Variants in MYO10 observed in about 807,000 individuals in gnomAD.
MYO10 encodes unconventional myosin-X.
A neutral mutation model predicts 257.3 loss-of-function variants in MYO10; 133 were observed. The ratio of observed to expected loss-of-function variants is 0.52; its 90% confidence interval spans 0.45 to 0.60. MYO10 has a LOEUF of 0.60. MYO10 is among the 20% of genes least tolerant of loss of function. The pLI is 0.00. For synonymous variants in MYO10, 1,104 were observed against 1,028.6 expected, an observed-to-expected ratio of 1.07 and a Z score of -1.40; for missense variants, 2,399 against 2,635.7, an observed-to-expected ratio of 0.91 and a Z score of 1.97.
intron 2 of MYO10, among the ~76,000 whole-genome samples, chr5:16,853,631 C>T (rs1290931819): frequency 3.3e-5 from 5 of 152,304 alleles, no homozygotes; most frequent in African/African-American, 9.6e-5. Context: ...TTTTCCCAGA[C>T]AGCCAAGAGG....
At chr5:16,728,194 A>G (rs1164259947) in intron 19 of MYO10, among the ~76,000 whole-genome samples, 2 of 151,940 alleles carry the variant, frequency 1.3e-5, no homozygotes, top group Non-Finnish European at 2.9e-5. Context: ...TGCCGCTCCA[A>G]CTTCCTCTCT....
In MYO10 at chr5:16,888,156, C is replaced by T. The variant is rs558761988; in HGVS notation, c.22-10449G>A. On this transcript the variant is annotated intron_variant, in intron 1 of 40. Coordinates refer to ENST00000513610, the MANE Select transcript of MYO10 (RefSeq NM_012334.3). Reference sequence around the variant, plus strand: ...ATCCCTCATACTTCCACAAGTCCATCCTTCCACCAAATATCTCCTAACACC... The same window carrying T: ...ATCCCTCATACTTCCACAAGTCCATTCTTCCACCAAATATCTCCTAACACC... Among the ~76,000 whole-genome samples the T allele has an allele frequency of 2.6e-5, 4 of 152,266 alleles. No individual in the cohort carries two copies. The East Asian group carries it at 7.7e-4, about 29-fold the overall frequency.
chr5:16,935,068 C>G (rs965787310), intron 1 of MYO10, among the ~76,000 whole-genome samples: 2 of 152,204 alleles, frequency 1.3e-5, no homozygotes, highest in African/African-American at 2.4e-5. Context: ...AAAAAGGGTT[C>G]TCAAGTTAAG....
intron 2 of MYO10, among the ~76,000 whole-genome samples, chr5:16,865,504 A>C (rs895537869): frequency 6.6e-6 from 1 of 152,214 alleles, no homozygotes; most frequent in African/African-American, 2.4e-5. Flanking sequence ...AAAACAGTAC[A>C]AAAAAGGTAT....
chr5:16,921,965 A>G (rs1745999828), intron 1 of MYO10, among the ~76,000 whole-genome samples: 1 of 152,136 alleles, frequency 6.6e-6, no homozygotes, highest in Non-Finnish European at 1.5e-5. Flanking sequence ...CTGTAATCCT[A>G]GCATTTTGGG....
intron 19 of MYO10, among the ~76,000 whole-genome samples, chr5:16,754,578 A>G (rs997855882): frequency 2.0e-5 from 3 of 151,806 alleles, no homozygotes; most frequent in African/African-American, 7.3e-5. Flanking sequence ...AAAAAAAAAA[A>G]GTAAAGGCTT....
chr5:16,871,241 C>T (rs971590474), intron 2 of MYO10, among the ~76,000 whole-genome samples: 7 of 152,102 alleles, frequency 4.6e-5, no homozygotes, highest in Admixed American at 1.3e-4. Flanking sequence ...CAAAATTAAC[C>T]AATTTCCTTT....
chr5:16,924,634 T>A (rs1035547104), intron 1 of MYO10, among the ~76,000 whole-genome samples: 1 of 152,134 alleles, frequency 6.6e-6, no homozygotes. Context: ...TGTCATATAA[T>A]TGATGATACA....
chr5:16,917,239 G>A (rs1038945171), intron 1 of MYO10, among the ~76,000 whole-genome samples: 1 of 152,038 alleles, frequency 6.6e-6, no homozygotes, highest in African/African-American at 2.4e-5. Context: ...AGTACACTAT[G>A]GAAATTACTT....
rs75411758 is a variant in MYO10, at chr5:16,892,011, T to C, written c.22-14304A>G. 3.2e-3 allele frequency among the ~76,000 whole-genome samples: 494 copies of C among 152,322 alleles called. 3 individuals are homozygous for C. Among genetic ancestry groups the C allele is most frequent in the African/African-American group, 0.012 (484 of 41,562 alleles). ...AGTATTTACATCATATTTATATCAT[T>C]TGTATTATGGGAGGCAGAAATGGAT... On this transcript the variant is annotated intron_variant, in intron 1 of 40. Coordinates refer to ENST00000513610, the MANE Select transcript of MYO10 (RefSeq NM_012334.3).
At chr5:16,671,707 A>C (rs1007065842) in intron 37 of MYO10, among the ~76,000 whole-genome samples, 165 bp from the exon 38 acceptor site, 81 of 152,146 alleles carry the variant, frequency 5.3e-4, no homozygotes, top group African/African-American at 1.9e-3. Context: ...GAGTGAAAAA[A>C]CGTACTTTCA....
intron 2 of MYO10, among the ~76,000 whole-genome samples, chr5:16,831,641 T>C (rs1376140619): frequency 6.6e-6 from 1 of 152,182 alleles, no homozygotes; most frequent in Non-Finnish European, 1.5e-5. Context: ...AAACATCGTA[T>C]GTTCTCATTC....
chr5:16,742,854 C>T (rs181382533), intron 19 of MYO10, among the ~76,000 whole-genome samples: 4 of 151,292 alleles, frequency 2.6e-5, no homozygotes, highest in Admixed American at 6.6e-5. Flanking sequence ...GGCGTGATGG[C>T]TCACGCCTGT....
In MYO10 at chr5:16,685,768, A is replaced by G. The variant is rs772702585; in HGVS notation, c.3960T>C (p.His1320=). 13 of 1,601,208 alleles carry G rather than the reference A, an allele frequency of 8.1e-6. No individual in the cohort carries two copies. The South Asian group carries it at 1.4e-4, about 17-fold the overall frequency. The stretch of plus-strand genomic sequence containing the variant: ...CATTCTGTGGGTTTGCCTGCTCATC[A>G]TGCATCTCCTGGATCTCCTGGTCCG... ...ASTDQEIQEM[H]DEQANPQNAV... The change falls in exon 29 of 41, where the codon CAT becomes CAC. Residue 1320 remains histidine (H), a synonymous_variant. Transcript: ENST00000513610.
At chr5:16,823,453 G>T (rs1300779498) in intron 2 of MYO10, among the ~76,000 whole-genome samples, 2 of 21,688 alleles carry the variant, frequency 9.2e-5, no homozygotes, top group Non-Finnish European at 1.4e-4. Flanking sequence ...TTGCGCGGGG[G>T]GGGGGGGAGT....
At chr5:16,732,124 A>T (rs1739608834) in intron 19 of MYO10, among the ~76,000 whole-genome samples, 1 of 152,204 alleles carries the variant, frequency 6.6e-6, no homozygotes. Context: ...ATATAAACTT[A>T]AAATTAGGGG....
chr5:16,746,908 C>A (rs530165573), intron 19 of MYO10, among the ~76,000 whole-genome samples: 1 of 152,160 alleles, frequency 6.6e-6, no homozygotes, highest in Non-Finnish European at 1.5e-5. Context: ...CCAGAAAGTT[C>A]CATCTCAATG....
rs1736116925 is a variant in MYO10 at position 16,665,405 on chromosome 5, C to T, written c.*1287G>A. On this transcript the variant is annotated 3_prime_UTR_variant, in exon 41 of 41. Transcript: ENST00000513610. ...AAATTTCTTTTTTCGTGTGGGTAGA[C>T]TTAGTTGGCCCAAGTCCTTAAAACT... 6.6e-6 allele frequency: 1 copy of T among 152,134 alleles called. No individual in the cohort carries two copies. Among genetic ancestry groups the T allele is most frequent in the South Asian group, 2.1e-4 (1 of 4,826 alleles). The allele number at this position is 152,134 out of a possible 1,614,324, so 9.4% of individuals were successfully genotyped here.
intron 2 of MYO10, among the ~76,000 whole-genome samples, chr5:16,869,324 C>T (rs952380528): frequency 6.6e-6 from 1 of 151,636 alleles, no homozygotes; most frequent in African/African-American, 2.4e-5. Context: ...CAGGCGTGCA[C>T]CACCGTGCCC....
Sources: allele counts gnomAD v4.1 joint callset (sites outside exome capture counted in the v4.1 genomes callset), GRCh38; gene constraint gnomAD v4.1.1; transcripts MANE v1.5; gene names NCBI Gene and HGNC (gene_info 2026-07-23, HGNC 2026-07-21).